The following CHODL variants were observed in gnomAD, a reference collection of about 807,000 sequenced individuals.
CHODL encodes chondrolectin.
In CHODL, 29 loss-of-function variants were observed where a neutral mutation model predicts 34.5. The observed-to-expected ratio is 0.84, with a 90% CI of 0.63 to 1.15. CHODL has a LOEUF of 1.15. Among genes scored for constraint, CHODL ranks in the 50% most tolerant of loss-of-function variants. The probability of loss-of-function intolerance (pLI) is 0.00; values close to 1 mark genes in which losing one functional copy is unlikely to be tolerated. For missense variants in CHODL, 332 were observed against 332.5 expected (o/e 1.00, Z 0.01); for synonymous variants, 125 against 116.1 (o/e 1.08, Z -0.49).
intron 1 of CHODL, among the ~76,000 whole-genome samples, chr21:17,932,633 A>C (rs964879549): frequency 1.5e-4 from 23 of 152,230 alleles, no homozygotes; most frequent in African/African-American, 5.5e-4. Flanking sequence ...ACTCATAAGA[A>C]AGAATAAAAT....
chr21:17,994,465 G>T (rs1208164040), intron 1 of CHODL, among the ~76,000 whole-genome samples: 1 of 152,208 alleles, frequency 6.6e-6, no homozygotes. Flanking sequence ...ATGTGAGAGG[G>T]CACTGGTGGC....
At chr21:18,257,743 A>G (rs890498420) in intron 3 of CHODL, among the ~76,000 whole-genome samples, 10 of 152,150 alleles carry the variant, frequency 6.6e-5, no homozygotes, top group African/African-American at 2.4e-4. Flanking sequence ...TACTTGTCAT[A>G]TGCAGCAAAT....
chr21:18,096,367 G>A (rs943323086), intron 2 of CHODL, among the ~76,000 whole-genome samples: 1 of 152,180 alleles, frequency 6.6e-6, no homozygotes, highest in Non-Finnish European at 1.5e-5. Flanking sequence ...ATAACCATGA[G>A]GTCTGACTGC....
At chr21:18,037,595 G>T (rs2146448779) in intron 2 of CHODL, among the ~76,000 whole-genome samples, 1 of 151,914 alleles carries the variant, frequency 6.6e-6, no homozygotes, top group African/African-American at 2.4e-5. Flanking sequence ...TGTTAAGTGT[G>T]TAGTGAAGGG....
intron 2 of CHODL, among the ~76,000 whole-genome samples, chr21:18,211,701 C>T (rs1476641072): frequency 2.6e-5 from 4 of 152,190 alleles, no homozygotes; most frequent in Non-Finnish European, 4.4e-5. Flanking sequence ...TGGCAAAAGT[C>T]ATCAATTTTG....
chr21:18,231,523 TC>T (rs151186590), intron 2 of CHODL, among the ~76,000 whole-genome samples: 10,507 of 152,166 alleles, frequency 0.069, 448 homozygotes, highest in Non-Finnish European at 0.097. Context: ...CATTCAAATA[TC>T]CAGGTTGTAG....
chr21:17,949,708 A>G (rs1374288054), intron 1 of CHODL, among the ~76,000 whole-genome samples: 1 of 152,208 alleles, frequency 6.6e-6, no homozygotes, highest in Non-Finnish European at 1.5e-5. Flanking sequence ...AGGGCTAGCC[A>G]ACTATTATTT....
intron 1 of CHODL, among the ~76,000 whole-genome samples, chr21:17,972,296 A>G (rs1208893915): frequency 3.3e-5 from 5 of 152,198 alleles, no homozygotes; most frequent in Non-Finnish European, 7.3e-5. Context: ...GGCCAGGGCA[A>G]TCAGGCAAGA....
intron 2 of CHODL, among the ~76,000 whole-genome samples, chr21:18,199,882 G>T (rs978461702): frequency 2.6e-5 from 4 of 152,050 alleles, no homozygotes; most frequent in African/African-American, 9.7e-5. Flanking sequence ...TTCCAGATTG[G>T]GGCAGTCATG....
chr21:18,003,196 G>T (rs1386536974), intron 1 of CHODL, among the ~76,000 whole-genome samples: 1 of 149,920 alleles, frequency 6.7e-6, no homozygotes, highest in East Asian at 1.9e-4. Context: ...CTAGTTTCTC[G>T]TGCATTTCTC....
chr21:18,193,818 T>G (rs897618143), intron 2 of CHODL, among the ~76,000 whole-genome samples: 2 of 152,122 alleles, frequency 1.3e-5, no homozygotes, highest in African/African-American at 2.4e-5. Context: ...TTTACAATGG[T>G]TCCAAACTTT....
chr21:18,209,928 C>T (rs939749840), intron 2 of CHODL, among the ~76,000 whole-genome samples: 1 of 152,068 alleles, frequency 6.6e-6, no homozygotes, highest in Non-Finnish European at 1.5e-5. Flanking sequence ...CTTCTCTCTC[C>T]TTTTCTCAAG....
chr21:18,084,281 A>G (rs2064976653), intron 2 of CHODL, among the ~76,000 whole-genome samples: 1 of 136,820 alleles, frequency 7.3e-6, no homozygotes, highest in African/African-American at 2.5e-5. Flanking sequence ...TAAACCTGTG[A>G]GTTATTTGTT....
intron 1 of CHODL, among the ~76,000 whole-genome samples, chr21:17,967,605 T>G (rs1424177636): frequency 6.6e-6 from 1 of 152,228 alleles, no homozygotes; most frequent in South Asian, 2.1e-4. Flanking sequence ...TGTAGTAACA[T>G]GTTACCTCAA....
intron 1 of CHODL, among the ~76,000 whole-genome samples, chr21:18,027,114 T>TC (rs2064184657): frequency 1.1e-3 from 1 of 918 alleles, no homozygotes; most frequent in Non-Finnish European, 2.1e-3. Flanking sequence ...CCTATTACTA[T>TC]GAAAAAAAAA....
At chr21:18,107,337 T>G (rs1393175836) in intron 2 of CHODL, among the ~76,000 whole-genome samples, 1 of 152,204 alleles carries the variant, frequency 6.6e-6, no homozygotes, top group East Asian at 1.9e-4. Context: ...GCTGAACTTT[T>G]TGTCTCTACT....
In CHODL at chr21:18,188,011, C is replaced by T. The variant is rs550475344; in HGVS notation, c.-44-68498C>T. 5.1e-4 allele frequency among the ~76,000 whole-genome samples: 77 copies of T among 152,244 alleles called. 1 individual carries two copies. The Middle Eastern group carries it at 0.014, about 27-fold the overall frequency. ...AGTTTGGAATGACCCCAGCACTACA[C>T]GAAGATTATGCTTGTCTAGGTTGCC... On this transcript the variant is annotated intron_variant, in intron 2 of 6. Coordinates refer to the CHODL transcript ENST00000400127.
chr21:18,186,783 A>T (rs1019335854), intron 2 of CHODL, among the ~76,000 whole-genome samples: 2 of 152,220 alleles, frequency 1.3e-5, no homozygotes, highest in Non-Finnish European at 2.9e-5. Flanking sequence ...CCCAAGACTT[A>T]TGAAATCACC....
Position 18,266,879 on chromosome 21 carries a change from G to T in CHODL, c.*841G>T, listed in dbSNP as rs1294202233. The T allele has an allele frequency of 6.6e-6, 1 of 152,484 alleles. No individual in the cohort carries two copies. The highest frequency in any genetic ancestry group is 1.9e-4 in the East Asian group (1 of 5,194). The allele number at this position is 152,484 out of a possible 1,614,324, so 9.4% of individuals were successfully genotyped here. On this transcript the variant is annotated 3_prime_UTR_variant, in exon 6 of 6. Transcript: ENST00000299295. ...GTGACATACACAATATAAATCATAT[G>T]TCTTCACACGTTGCCTATATAATGA...
Sources: gnomAD v4.1 joint callset for allele counts (sites outside exome capture counted in the v4.1 genomes callset) on GRCh38, gnomAD v4.1.1 for gene constraint, MANE v1.5 for transcripts, NCBI Gene and HGNC (gene_info 2026-07-23, HGNC 2026-07-21) for gene names.